Variants in PLG observed in about 807,000 individuals in gnomAD.
The protein encoded by PLG is plasminogen, also known as plasmin.
Under a neutral mutation model 104.4 loss-of-function variants are expected in PLG, and 41 were observed. That is an observed-to-expected ratio of 0.39 (90% CI 0.31 to 0.51). The LOEUF is 0.51. PLG is among the 20% of genes least tolerant of loss of function. The pLI, the probability that PLG is intolerant of heterozygous loss-of-function variation, is 0.76. For missense variants in PLG, 891 were observed against 1,003.6 expected (o/e 0.89, Z 1.52); for synonymous variants, 337 against 357.1 (o/e 0.94, Z 0.63).
At chr6:160,710,886 G>A (rs369534922) in intron 3 of PLG, among the ~76,000 whole-genome samples, 191 bp from the exon 4 acceptor site, 1 of 152,230 alleles carries the variant, frequency 6.6e-6, no homozygotes, top group Non-Finnish European at 1.5e-5. Flanking sequence ...CTCATAAGTA[G>A]CATTTGAATA....
At chr6:160,718,886 T>G (rs1777788852) in intron 9 of PLG, 48 bp downstream of exon 9, 1 of 1,531,574 alleles carries the variant, frequency 6.5e-7, no homozygotes, top group Non-Finnish European at 9.1e-7. Context: ...TTTCTCCTTA[T>G]TTTTGTATAC....
intron 17 of PLG, among the ~76,000 whole-genome samples, chr6:160,742,195 T>C (rs1348183512): frequency 6.6e-6 from 1 of 152,208 alleles, no homozygotes; most frequent in Non-Finnish European, 1.5e-5. Flanking sequence ...GATTGCTGGG[T>C]TGAAAGTTAG....
intron 17 of PLG, among the ~76,000 whole-genome samples, chr6:160,749,458 CCATTAA>C (rs1778358508): frequency 6.7e-6 from 1 of 149,680 alleles, no homozygotes; most frequent in South Asian, 2.2e-4. Flanking sequence ...ACCACCATCA[CCATTAA>C]CATTACCATC....
rs938180219 is a variant in PLG at position 160,744,153 on chromosome 6, T to A, written c.2125+2736T>A. On this transcript the variant is annotated intron_variant, in intron 17 of 18. Coordinates refer to ENST00000308192, the MANE Select transcript of PLG (RefSeq NM_000301.5). The surrounding 1 kb of genome is among the most constrained non-coding windows in gnomAD (Gnocchi z 4.5). Reference sequence around the variant, plus strand: ...TTTGTGTCTCTGCCAGGTTTTGGTATCAGGATGATGCTGACCTCATAGAAT... The same window carrying A: ...TTTGTGTCTCTGCCAGGTTTTGGTAACAGGATGATGCTGACCTCATAGAAT... Among the ~76,000 whole-genome samples, 1 of 152,200 alleles carries A rather than the reference T, an allele frequency of 6.6e-6. No individual in the cohort carries two copies. Among genetic ancestry groups the A allele is most frequent in the Non-Finnish European group, 1.5e-5 (1 of 68,024 alleles).
At chr6:160,707,644 T>C in intron 2 of PLG, 56 bp from the exon 3 acceptor site, 2 of 1,470,996 alleles carry the variant, frequency 1.4e-6, no homozygotes, top group South Asian at 1.1e-5. Flanking sequence ...TTAATAAACA[T>C]TTGTTTTCTT....
At chr6:160,703,848 G>C (rs889677919) in intron 1 of PLG, among the ~76,000 whole-genome samples, 43 of 152,208 alleles carry the variant, frequency 2.8e-4, no homozygotes, top group African/African-American at 1.0e-3. Flanking sequence ...TAACCCACCT[G>C]GTGGGCACAT....
rs536532859 is a variant in PLG, at chr6:160,704,974, G to A, written c.50-1433G>A. 3.9e-5 allele frequency among the ~76,000 whole-genome samples: 6 copies of A among 152,244 alleles called. No individual in the cohort carries two copies. The South Asian group carries it at 1.2e-3, about 32-fold the overall frequency. On this transcript the variant is annotated intron_variant, in intron 1 of 18. Transcript: ENST00000308192. The stretch of plus-strand genomic sequence containing the variant: ...TGTGTCATCTTTCAGAACCTCCCCT[G>A]ACCGCATGTTCCCTGGAGGGCTCGC...
intron 1 of PLG, chr6:160,705,607 G>A (rs941512048): frequency 2.0e-5 from 3 of 152,140 alleles, no homozygotes; most frequent in Non-Finnish European, 4.4e-5. Context: ...GTCCAAGGTG[G>A]CAACATAATT....
At chr6:160,715,045 C>A (rs987669174) in intron 6 of PLG, 131 bp downstream of exon 6, 6 of 886,068 alleles carry the variant, frequency 6.8e-6, no homozygotes, top group South Asian at 1.4e-5. Flanking sequence ...TCAAAGCTAA[C>A]CTCCTCCCAC....
rs3057066 is a variant in PLG, at chr6:160,720,410, C to CTTTTTTTTTTTTTT, written c.1096+1586_1096+1599dup. Among the ~76,000 whole-genome samples, 26 of 58,520 alleles carry CTTTTTTTTTTTTTT rather than the reference C, an allele frequency of 4.4e-4. 2 individuals carry two copies. Among genetic ancestry groups the CTTTTTTTTTTTTTT allele is most frequent in the Middle Eastern group, 0.019 (1 of 54 alleles). The allele number at this position is 58,520 out of a possible 152,430, so 38.4% of individuals were successfully genotyped here. ...TCTTTTCTCTTTTTTCTTTTCTTTTCTTTTTTTTTTTTTTTTTTTTTTTTT... is the reference window on the plus strand; with the variant it reads ...TCTTTTCTCTTTTTTCTTTTCTTTTCTTTTTTTTTTTTTTTTTTTTTTTTTTTTTTTTTTTTTTT... On this transcript the variant is annotated intron_variant, in intron 9 of 18. Coordinates refer to ENST00000308192, the MANE Select transcript of PLG (RefSeq NM_000301.5).
chr6:160,714,957 C>G, intron 6 of PLG, 43 bp downstream of exon 6: 1 of 1,590,098 alleles, frequency 6.3e-7, no homozygotes, highest in Non-Finnish European at 8.6e-7. Flanking sequence ...AATTAAGGCT[C>G]TGCAGCTCTA....
rs1229270715 is a variant in PLG at position 160,739,671 on chromosome 6, G to A, written c.2018+463G>A. On this transcript the variant is annotated intron_variant, in intron 16 of 18. Coordinates refer to ENST00000308192, the MANE Select transcript of PLG (RefSeq NM_000301.5). The surrounding 1 kb of genome is among the most constrained non-coding windows in gnomAD (Gnocchi z 4.4). ...AGCTACTTGGGAGGCTGAGGCAGGA[G>A]GGTCACTTGAGTCCCGGAGTTTGAG... 6.6e-6 allele frequency among the ~76,000 whole-genome samples: 1 copy of A among 151,588 alleles called. No homozygotes were observed. Among genetic ancestry groups the A allele is most frequent in the Non-Finnish European group, 1.5e-5 (1 of 67,902 alleles).
chr6:160,716,577 T>C (rs533843219), intron 6 of PLG, 68 bp from the exon 7 acceptor site: 8 of 958,344 alleles, frequency 8.3e-6, no homozygotes, highest in African/African-American at 4.8e-5. Context: ...CAATGTTTGC[T>C]CTTGAAAAAG....
rs1777793684 is a variant in PLG at position 160,719,269 on chromosome 6, C to T, written c.1096+431C>T. Among the ~76,000 whole-genome samples, 1 of 152,104 alleles carries T rather than the reference C, an allele frequency of 6.6e-6. No homozygotes were observed. Among genetic ancestry groups the T allele is most frequent in the South Asian group, 2.1e-4 (1 of 4,820 alleles). On this transcript the variant is annotated intron_variant, in intron 9 of 18. Transcript: ENST00000308192. This position sits in a 1 kb window ranked among gnomAD's most constrained non-coding sequence, Gnocchi z 4.1. ...TATATTTTGAAGCTCTTTTGTTAGG[C>T]ACATATGTATTTAGGATGGTTATGT...
intron 6 of PLG, 133 bp downstream of exon 6, chr6:160,715,047 T>A: frequency 2.3e-6 from 2 of 877,170 alleles, no homozygotes; most frequent in Non-Finnish European, 3.7e-6. Flanking sequence ...AAAGCTAACC[T>A]CCTCCCACAA....
Position 160,707,138 on chromosome 6 carries a change from C to T in PLG, c.186-562C>T, listed in dbSNP as rs77120139. On this transcript the variant is annotated intron_variant, in intron 2 of 18. Transcript: ENST00000308192. Reference sequence around the variant, plus strand: ...AGCACCAGGAAGGCAGGGGAAGATGCGGCCCTGCACCTTCTGAGGGGGACC... The same window carrying T: ...AGCACCAGGAAGGCAGGGGAAGATGTGGCCCTGCACCTTCTGAGGGGGACC... Among the ~76,000 whole-genome samples, 1,244 of 152,138 alleles carry T rather than the reference C, an allele frequency of 8.2e-3. 55 individuals carry two copies. The East Asian group carries it at 0.15, about 18-fold the overall frequency.
intron 10 of PLG, among the ~76,000 whole-genome samples, chr6:160,730,319 C>T (rs957060591): frequency 2.0e-5 from 3 of 152,182 alleles, no homozygotes; most frequent in Non-Finnish European, 2.9e-5. Context: ...GTGGCAGTGG[C>T]CAGCAGAGGA....
intron 17 of PLG, among the ~76,000 whole-genome samples, chr6:160,747,685 T>A (rs543063636): frequency 2.0e-5 from 3 of 152,330 alleles, no homozygotes; most frequent in African/African-American, 7.2e-5. Flanking sequence ...GATTTCAAAG[T>A]GGCTTTCCTT....
intron 10 of PLG, among the ~76,000 whole-genome samples, chr6:160,727,353 G>A (rs766293639): frequency 1.3e-5 from 2 of 148,266 alleles, no homozygotes; most frequent in Non-Finnish European, 3.0e-5. Context: ...AGTTCAGATG[G>A]CATCATTAGA....
Sources: allele counts gnomAD v4.1 joint callset (sites outside exome capture counted in the v4.1 genomes callset), GRCh38; gene constraint gnomAD v4.1.1; non-coding constraint Gnocchi (gnomAD v3.1); transcripts MANE v1.5; gene names NCBI Gene and HGNC (gene_info 2026-07-23, HGNC 2026-07-21).